FGF2: variants seen among roughly 807,000 people sequenced by gnomAD.
FGF2 encodes the protein fibroblast growth factor 2, also known as basic fibroblast growth factor bFGF.
A neutral mutation model predicts 15.9 loss-of-function variants in FGF2; 13 were observed. That is an observed-to-expected ratio of 0.82 (90% confidence interval 0.53 to 1.30). The LOEUF (loss-of-function observed/expected upper bound fraction) is 1.30. FGF2 is among the 50% of genes most tolerant of loss of function. FGF2 has a pLI of 0.00. For missense variants in FGF2, 163 were observed against 196.9 expected, an observed-to-expected ratio of 0.83 and a Z score of 1.03; for synonymous variants, 90 against 78.4, an observed-to-expected ratio of 1.15 and a Z score of -0.78.
At position 122,895,412 on chromosome 4, in the gene FGF2, A is replaced by G. The variant is rs958560639; in HGVS notation, c.*3016A>G. 6.6e-6 allele frequency: 1 copy of G among 152,164 alleles called. No homozygotes were observed. Among genetic ancestry groups the G allele is most frequent in the Non-Finnish European group, 1.5e-5 (1 of 68,016 alleles). 9.4% of individuals were successfully genotyped at this position (152,164 alleles called of 1,614,324 possible). ...AATGGAGTTTATATTTGTTATTTCT[A>G]TTTTGTTATATTTAATAATAGAATT... On this transcript the variant is annotated 3_prime_UTR_variant, in exon 3 of 3. Transcript: ENST00000644866.
chr4:122,828,707 G>A (rs1387960750), intron 1 of FGF2, among the ~76,000 whole-genome samples: 2 of 152,184 alleles, frequency 1.3e-5, no homozygotes, highest in Non-Finnish European at 2.9e-5. Flanking sequence ...AGAGAGGCAA[G>A]TATTTAATTT....
At chr4:122,873,000 C>T (rs534145225) in intron 1 of FGF2, among the ~76,000 whole-genome samples, 39 of 152,272 alleles carry the variant, frequency 2.6e-4, no homozygotes, top group Non-Finnish European at 3.5e-4. Flanking sequence ...AGCAGCATGA[C>T]GACAGAATCA....
intron 2 of FGF2, among the ~76,000 whole-genome samples, chr4:122,888,132 G>A (rs762773895): frequency 7.9e-5 from 12 of 152,032 alleles, no homozygotes; most frequent in Admixed American, 3.3e-4. Flanking sequence ...CCTCCCCACC[G>A]CATTTGATGG....
intron 1 of FGF2, among the ~76,000 whole-genome samples, chr4:122,836,250 G>A (rs577692812): frequency 6.6e-6 from 1 of 152,306 alleles, no homozygotes; most frequent in African/African-American, 2.4e-5. Flanking sequence ...AATTGAAGAT[G>A]TACTCAATAA....
At chr4:122,846,543 A>T (rs1241350497) in intron 1 of FGF2, among the ~76,000 whole-genome samples, 1 of 152,232 alleles carries the variant, frequency 6.6e-6, no homozygotes, top group Non-Finnish European at 1.5e-5. Flanking sequence ...TAGTCCATTT[A>T]TGAAAATGCA....
At position 122,827,074 on chromosome 4, in the gene FGF2, G is replaced by GGGGCCC; in HGVS notation, c.-101_-100insGGGCCC. ...AGGCTGGGGGGCCGGGGCCGGGGCC[G>GGGGCCC]TGCCCCGGAGCGGGTCGGAGGCCGG... On this transcript the variant is annotated 5_prime_UTR_variant, in exon 1 of 3. Coordinates refer to ENST00000644866, the MANE Select transcript of FGF2 (RefSeq NM_001361665.2). The surrounding 1 kb of genome is among the most constrained non-coding windows in gnomAD (Gnocchi z 4.2). 1.8e-6 allele frequency: 2 copies of GGGGCCC among 1,126,634 alleles called. No individual in the cohort carries two copies. Among genetic ancestry groups the GGGGCCC allele is most frequent in the Non-Finnish European group, 2.2e-6 (2 of 921,452 alleles). The allele number at this position is 1,126,634 out of a possible 1,614,324, so 69.8% of individuals were successfully genotyped here.
intron 1 of FGF2, among the ~76,000 whole-genome samples, chr4:122,852,293 A>G (rs2150772075): frequency 6.6e-6 from 1 of 152,338 alleles, no homozygotes; most frequent in South Asian, 2.1e-4. Context: ...ATACCTTAGC[A>G]GGGATAACTG....
chr4:122,888,643 T>C (rs1727105924), intron 2 of FGF2: 1 of 152,250 alleles, frequency 6.6e-6, no homozygotes, highest in Non-Finnish European at 1.5e-5. Context: ...TTTCCTCTGA[T>C]GGGAATGCTC....
intron 1 of FGF2, among the ~76,000 whole-genome samples, chr4:122,834,801 A>G (rs76546203): frequency 0.019 from 2,954 of 152,314 alleles, 107 homozygotes; most frequent in African/African-American, 0.065. Flanking sequence ...AACTGCCTTT[A>G]TAAAGCTAAT....
chr4:122,874,791 T>C (rs1353373076), intron 1 of FGF2, among the ~76,000 whole-genome samples: 3 of 152,088 alleles, frequency 2.0e-5, no homozygotes, highest in Non-Finnish European at 4.4e-5. Context: ...TTAAGAAACT[T>C]TCAAAAGTTG....
At position 122,827,405 on chromosome 4, in the gene FGF2, C is replaced by T. The variant is rs965348856; in HGVS notation, c.178+53C>T. ...CATTTCCATTTCGTGGGTTCTCGCC[C>T]GCTCTCTCCCCTCCAGCCTGCACCC... On this transcript the variant is annotated intron_variant, in intron 1 of 2. Transcript: ENST00000644866. This position sits in a 1 kb window ranked among gnomAD's most constrained non-coding sequence, Gnocchi z 4.2. 4 of 1,589,012 alleles carry T rather than the reference C, an allele frequency of 2.5e-6. No individual in the cohort carries two copies. Among genetic ancestry groups the T allele is most frequent in the Non-Finnish European group, 3.4e-6 (4 of 1,160,244 alleles).
chr4:122,860,447 CTTTTT>C (rs34541038), intron 1 of FGF2, among the ~76,000 whole-genome samples: 5,983 of 90,774 alleles, frequency 0.066, 164 homozygotes, highest in Non-Finnish European at 0.092. Context: ...CTAAGGTTAA[CTTTTT>C]TTTTTTTTTT....
rs139672635 is a variant in FGF2, at chr4:122,867,180, A to T, written c.179-9141A>T. Among the ~76,000 whole-genome samples, 324 of 152,362 alleles carry T rather than the reference A, an allele frequency of 2.1e-3. 7 individuals carry two copies. The East Asian group carries it at 0.05, about 24-fold the overall frequency. ...GTGTAAAATGACTGCTAAAGAATGTAGGGTGACGAAAATGTTCTATAATTG... is the reference window on the plus strand; with the variant it reads ...GTGTAAAATGACTGCTAAAGAATGTTGGGTGACGAAAATGTTCTATAATTG... On this transcript the variant is annotated intron_variant, in intron 1 of 2. Coordinates refer to ENST00000644866, the MANE Select transcript of FGF2 (RefSeq NM_001361665.2).
chr4:122,885,212 T>C (rs988873722), intron 2 of FGF2, among the ~76,000 whole-genome samples: 1 of 152,250 alleles, frequency 6.6e-6, no homozygotes, highest in Non-Finnish European at 1.5e-5. Context: ...TTTGTAAATG[T>C]CATTGAATTA....
intron 2 of FGF2, among the ~76,000 whole-genome samples, chr4:122,877,508 A>T (rs533736169): frequency 2.0e-4 from 30 of 152,360 alleles, no homozygotes; most frequent in African/African-American, 5.5e-4. Flanking sequence ...GCTCCCTGTC[A>T]ACTTCACCAT....
chr4:122,888,322 G>A (rs1022264402), intron 2 of FGF2, among the ~76,000 whole-genome samples: 5 of 152,064 alleles, frequency 3.3e-5, no homozygotes, highest in African/African-American at 1.2e-4. Context: ...CATTCTCTCT[G>A]CCTGTATTAC....
At chr4:122,851,312 G>C (rs1457160192) in intron 1 of FGF2, among the ~76,000 whole-genome samples, 1 of 152,184 alleles carries the variant, frequency 6.6e-6, no homozygotes, top group African/African-American at 2.4e-5. Flanking sequence ...GTCCAGACTA[G>C]ATGATTTCTC....
chr4:122,836,635 C>T (rs573512636), intron 1 of FGF2, among the ~76,000 whole-genome samples: 1 of 152,184 alleles, frequency 6.6e-6, no homozygotes. Context: ...ATCCCAGGGT[C>T]CTTTTGGCTT....
chr4:122,892,865 A>G lies in FGF2; in HGVS notation c.*469A>G, dbSNP rs1727225795. ...TTTCATAGTTTTATAATTCTCTGGC[A>G]GTTCCTTATGATAGAGTTTATAAAA... is the stretch of plus-strand genomic sequence containing the variant. On this transcript the variant is annotated 3_prime_UTR_variant, in exon 3 of 3. Coordinates refer to ENST00000644866, the MANE Select transcript of FGF2 (RefSeq NM_001361665.2). 1.2e-6 allele frequency: 2 copies of G among 1,608,962 alleles called. No individual in the cohort carries two copies. The highest frequency in any genetic ancestry group is 1.3e-5 in the African/African-American group (1 of 74,856).
Sources: gnomAD v4.1 joint callset for allele counts (sites outside exome capture counted in the v4.1 genomes callset) on GRCh38, gnomAD v4.1.1 for gene constraint, Gnocchi (gnomAD v3.1) non-coding constraint, MANE v1.5 for transcripts, NCBI Gene and HGNC (gene_info 2026-07-23, HGNC 2026-07-21) for gene names.